The following LARGE1 variants were observed in gnomAD, a reference collection of about 807,000 sequenced individuals.
LARGE1 encodes LARGE xylosyl- and glucuronyltransferase 1.
Under a neutral mutation model 87.6 loss-of-function variants are expected in LARGE1, and 43 were observed. The ratio of observed to expected loss-of-function variants is 0.49; its 90% CI spans 0.38 to 0.63. LARGE1 has a LOEUF of 0.63. LARGE1 is among the 30% of genes least tolerant of loss of function. LARGE1 has a pLI of 0.00. For missense variants in LARGE1, 802 were observed against 1,000.2 expected, an observed-to-expected ratio of 0.80 and a Z score of 2.67; for synonymous variants, 434 against 394.6, an observed-to-expected ratio of 1.10 and a Z score of -1.18.
intron 11 of LARGE1, among the ~76,000 whole-genome samples, chr22:33,192,471 T>C (rs943065077): frequency 1.9e-4 from 29 of 152,304 alleles, no homozygotes; most frequent in Admixed American, 8.5e-4. Context: ...TGTGTCTTCG[T>C]TTGAGAAATG....
At chr22:33,355,996 A>G (rs1601567572) in intron 9 of LARGE1, among the ~76,000 whole-genome samples, 1 of 151,948 alleles carries the variant, frequency 6.6e-6, no homozygotes, top group Non-Finnish European at 1.5e-5. Flanking sequence ...CTAATACAGT[A>G]TTTGGTATGT....
At chr22:33,232,074 C>G (rs987891603) in intron 11 of LARGE1, among the ~76,000 whole-genome samples, 3 of 152,160 alleles carry the variant, frequency 2.0e-5, no homozygotes, top group Non-Finnish European at 4.4e-5. Context: ...GGTCAGGATT[C>G]CAAACTAGGT....
intron 2 of LARGE1, among the ~76,000 whole-genome samples, chr22:33,755,689 A>T (rs1640904388): frequency 6.6e-6 from 1 of 152,130 alleles, no homozygotes; most frequent in Non-Finnish European, 1.5e-5. Context: ...AGGTCTCAAA[A>T]ATCACAGATG....
chr22:33,871,406 GAC>G (rs1271757638), intron 1 of LARGE1, among the ~76,000 whole-genome samples: 6 of 152,170 alleles, frequency 3.9e-5, no homozygotes, highest in Admixed American at 3.9e-4. Context: ...GGATACAAAA[GAC>G]ACAGACTCAG....
intron 10 of LARGE1, among the ~76,000 whole-genome samples, chr22:33,321,827 T>C (rs958756508): frequency 4.6e-5 from 7 of 152,158 alleles, no homozygotes; most frequent in Admixed American, 2.6e-4. Flanking sequence ...GACTGACTGG[T>C]TGATTGACTA....
At position 33,463,958 on chromosome 22, in the gene LARGE1, G is replaced by A. The variant is rs940815562; in HGVS notation, c.788-31693C>T. The stretch of plus-strand genomic sequence containing the variant: ...CAAAGTGCTGGGATTACAGGTGTGG[G>A]ACACTGCACCCGTTTTATTTACGTT... On this transcript the variant is annotated intron_variant, in intron 6 of 14. Transcript: ENST00000397394. Among the ~76,000 whole-genome samples, 10 of 152,290 alleles carry A rather than the reference G, an allele frequency of 6.6e-5. No individual in the cohort carries two copies. In the South Asian group the frequency reaches 1.2e-3, roughly 19 times the overall value.
intron 11 of LARGE1, among the ~76,000 whole-genome samples, chr22:33,210,880 G>C (rs1301546893): frequency 6.6e-6 from 1 of 152,236 alleles, no homozygotes; most frequent in East Asian, 1.9e-4. Flanking sequence ...CCGGGGCCTT[G>C]CATTCATTGG....
At chr22:33,093,001 G>T in the LARGE1 span, among the ~76,000 whole-genome samples, 4 of 152,248 alleles carry the variant, frequency 2.6e-5, no homozygotes, top group Admixed American at 1.3e-4. Flanking sequence ...TAATGGAATT[G>T]CTGGGTCAAA....
chr22:33,134,255 CTTTTT>C, the LARGE1 span, among the ~76,000 whole-genome samples: 517 of 124,328 alleles, frequency 4.2e-3, 4 homozygotes, highest in African/African-American at 0.013. Flanking sequence ...AAAGAACTCC[CTTTTT>C]TTTTTTTTTT....
At chr22:33,254,555 CT>C (rs1261009090) in intron 11 of LARGE1, among the ~76,000 whole-genome samples, 1 of 152,198 alleles carries the variant, frequency 6.6e-6, no homozygotes, top group Non-Finnish European at 1.5e-5. Flanking sequence ...AGGCTATAGA[CT>C]CCAGAGCCAG....
At chr22:33,743,272 C>T (rs1052678948) in intron 2 of LARGE1, 1 of 152,176 alleles carries the variant, frequency 6.6e-6, no homozygotes, top group African/African-American at 2.4e-5. Context: ...GCAAGAATGG[C>T]TTAATATACC....
chr22:33,551,977 G>C (rs911679429), intron 6 of LARGE1, among the ~76,000 whole-genome samples: 1 of 121,690 alleles, frequency 8.2e-6, no homozygotes, highest in Non-Finnish European at 1.6e-5. Context: ...CTGGGCGACA[G>C]AGCAAGGCTC....
intron 3 of LARGE1, among the ~76,000 whole-genome samples, chr22:33,639,547 A>T (rs1373355649): frequency 6.6e-6 from 1 of 152,224 alleles, no homozygotes; most frequent in Non-Finnish European, 1.5e-5. Flanking sequence ...TGCACTGGGA[A>T]GAACATGTTA....
chr22:33,751,741 T>C (rs556923741), intron 2 of LARGE1, among the ~76,000 whole-genome samples: 2 of 152,094 alleles, frequency 1.3e-5, no homozygotes, highest in East Asian at 1.9e-4. Context: ...CATCACTCTA[T>C]AGTACTTCAC....
the LARGE1 span, among the ~76,000 whole-genome samples, chr22:33,070,134 C>T: frequency 7.2e-5 from 11 of 152,294 alleles, no homozygotes; most frequent in Non-Finnish European, 1.3e-4. Flanking sequence ...TTATTACATT[C>T]TTAATAATGT....
intron 6 of LARGE1, among the ~76,000 whole-genome samples, chr22:33,493,414 G>T (rs1226666385): frequency 6.6e-6 from 1 of 152,068 alleles, no homozygotes; most frequent in Non-Finnish European, 1.5e-5. Context: ...TCCCACCTCG[G>T]CCTCCCAAAG....
chr22:33,834,594 G>C (rs2063061719), intron 1 of LARGE1, among the ~76,000 whole-genome samples: 1 of 151,912 alleles, frequency 6.6e-6, no homozygotes, highest in East Asian at 1.9e-4. Context: ...CTCTCTTTTC[G>C]GACTCAGCCC....
At chr22:33,496,397 C>T (rs117862511) in intron 6 of LARGE1, among the ~76,000 whole-genome samples, 16 of 152,158 alleles carry the variant, frequency 1.1e-4, no homozygotes, top group Admixed American at 4.6e-4. Flanking sequence ...ATCATGAGGG[C>T]GAAGTCCTCA....
At chr22:33,617,435 T>C (rs1417857845) in intron 4 of LARGE1, among the ~76,000 whole-genome samples, 1 of 152,218 alleles carries the variant, frequency 6.6e-6, no homozygotes, top group Non-Finnish European at 1.5e-5. Context: ...GTTAAGGACA[T>C]ATTTACACCA....
Sources: gnomAD v4.1 joint callset for allele counts (sites outside exome capture counted in the v4.1 genomes callset) on GRCh38, gnomAD v4.1.1 for gene constraint, MANE v1.5 for transcripts, NCBI Gene and HGNC (gene_info 2026-07-23, HGNC 2026-07-21) for gene names.